The following PCDH7 variants were observed in gnomAD, a reference collection of about 807,000 sequenced individuals.
PCDH7 encodes protocadherin-7.
PCDH7 carries 17 observed loss-of-function variants against 58.9 expected under a neutral mutation model. The ratio of observed to expected loss-of-function variants is 0.29; its 90% CI spans 0.20 to 0.43. The LOEUF (loss-of-function observed/expected upper bound fraction) is 0.43, where lower values mean the gene tolerates loss of function less well. Among genes scored for constraint, PCDH7 ranks in the 20% least tolerant of loss-of-function variants. The probability of loss-of-function intolerance (pLI) is 1.00; values close to 1 mark genes in which losing one functional copy is unlikely to be tolerated. For synonymous variants in PCDH7, 664 were observed against 616.4 expected (o/e 1.08, Z -1.14); for missense variants, 1,274 against 1,441.0 (o/e 0.88, Z 1.88).
intron 2 of PCDH7, among the ~76,000 whole-genome samples, chr4:30,920,970 G>A (rs2109415633): frequency 6.6e-6 from 1 of 152,076 alleles, no homozygotes; most frequent in African/African-American, 2.4e-5. Context: ...GAGAAAGGAA[G>A]GAAAATAAAT....
At chr4:30,765,124 GCTTT>G (rs915534058) in intron 1 of PCDH7, among the ~76,000 whole-genome samples, 1 of 36,028 alleles carries the variant, frequency 2.8e-5, no homozygotes, top group African/African-American at 7.8e-5. Flanking sequence ...GACTTCAGAT[GCTTT>G]TTTTTTTTTT....
chr4:31,036,453 G>T (rs1376258984), intron 3 of PCDH7, among the ~76,000 whole-genome samples: 1 of 152,084 alleles, frequency 6.6e-6, no homozygotes, highest in Non-Finnish European at 1.5e-5. Flanking sequence ...CTCCCACAGT[G>T]CTGGGATTAT....
rs531445282 is a variant in PCDH7, at chr4:31,060,568, A to G, written c.*8-81905A>G. On this transcript the variant is annotated intron_variant, in intron 3 of 3. Coordinates refer to the PCDH7 transcript ENST00000509759. ...TTTGCCATCAACTTAGGTTACTTCT[A>G]TGTATATTTTTAATACTGTCCATAT... 4.0e-3 allele frequency among the ~76,000 whole-genome samples: 601 copies of G among 151,832 alleles called. 6 individuals carry two copies. The highest frequency in any genetic ancestry group is 0.014 in the Middle Eastern group (4 of 294).
At chr4:30,810,297 T>A (rs1726805623) in intron 1 of PCDH7, among the ~76,000 whole-genome samples, 1 of 152,172 alleles carries the variant, frequency 6.6e-6, no homozygotes, top group South Asian at 2.1e-4. Flanking sequence ...GTTTATTACA[T>A]GTCAGTTGAA....
chr4:30,904,598 G>A (rs28489161), intron 1 of PCDH7, among the ~76,000 whole-genome samples: 12,657 of 152,182 alleles, frequency 0.083, 770 homozygotes, highest in East Asian at 0.26. Context: ...GGACCTTGTT[G>A]GGAGTCTATT....
intron 1 of PCDH7, among the ~76,000 whole-genome samples, chr4:30,726,314 C>T (rs1266294297): frequency 3.3e-5 from 5 of 152,048 alleles, no homozygotes; most frequent in East Asian, 1.9e-4. Flanking sequence ...ATTTACACCT[C>T]GGTTCTTATC....
downstream of PCDH7, among the ~76,000 whole-genome samples, chr4:30,735,106 A>G (rs528534509): frequency 6.6e-6 from 1 of 152,222 alleles, no homozygotes; most frequent in Admixed American, 6.5e-5. Flanking sequence ...CACTGGTCGT[A>G]CAGTACACTT....
intron 1 of PCDH7, among the ~76,000 whole-genome samples, chr4:30,902,514 A>C (rs1740353462): frequency 6.6e-6 from 1 of 152,162 alleles, no homozygotes; most frequent in South Asian, 2.1e-4. Context: ...GATGCATATA[A>C]TGAGATCCAG....
exon 4 of PCDH7, chr4:31,142,595 C>G (rs774075565): frequency 7.3e-7 from 1 of 1,367,720 alleles, no homozygotes; most frequent in East Asian, 4.6e-5. Flanking sequence ...GAAGAGCCAG[C>G]CTAAACTGTC....
chr4:31,058,079 A>T (rs1012325605), intron 3 of PCDH7, among the ~76,000 whole-genome samples: 2 of 152,144 alleles, frequency 1.3e-5, no homozygotes, highest in Non-Finnish European at 1.5e-5. Context: ...AAGAGTTTGC[A>T]GCTTTGAAAT....
At chr4:30,759,039 T>C (rs576302219) in intron 1 of PCDH7, among the ~76,000 whole-genome samples, 2 of 151,038 alleles carry the variant, frequency 1.3e-5, no homozygotes, top group South Asian at 4.2e-4. Flanking sequence ...CCTCCCAGGT[T>C]CAAGTGATTC....
intron 3 of PCDH7, among the ~76,000 whole-genome samples, chr4:30,991,809 A>G (rs1353449905): frequency 6.6e-6 from 1 of 152,176 alleles, no homozygotes; most frequent in Non-Finnish European, 1.5e-5. Flanking sequence ...TTTACATAAA[A>G]TGTATATATT....
At chr4:30,986,512 CCAGT>C (rs1425669668) in intron 3 of PCDH7, among the ~76,000 whole-genome samples, 2 of 151,942 alleles carry the variant, frequency 1.3e-5, no homozygotes, top group Non-Finnish European at 2.9e-5. Context: ...AAAAGCCAAA[CCAGT>C]CAGAGACGTG....
At chr4:30,971,878 C>A (rs958570781) in intron 3 of PCDH7, among the ~76,000 whole-genome samples, 7 of 152,194 alleles carry the variant, frequency 4.6e-5, no homozygotes, top group African/African-American at 1.7e-4. Flanking sequence ...GTGAGGATCA[C>A]CTGAGCCCAG....
At chr4:31,066,751 G>A (rs1560617044) in intron 3 of PCDH7, among the ~76,000 whole-genome samples, 2 of 151,960 alleles carry the variant, frequency 1.3e-5, no homozygotes, top group Admixed American at 1.3e-4. Context: ...CATATGGAGA[G>A]TACCATCTGT....
chr4:30,977,596 T>G (rs1750182774), intron 3 of PCDH7, among the ~76,000 whole-genome samples: 1 of 152,184 alleles, frequency 6.6e-6, no homozygotes, highest in African/African-American at 2.4e-5. Flanking sequence ...AATATGGTGG[T>G]ACATTAAAAA....
At chr4:30,826,013 T>C (rs1729054329) in intron 1 of PCDH7, among the ~76,000 whole-genome samples, 1 of 152,106 alleles carries the variant, frequency 6.6e-6, no homozygotes, top group African/African-American at 2.4e-5. Context: ...CCTCCCTTTT[T>C]CTCTGCCATT....
chr4:30,772,286 A>G (rs570404767), intron 1 of PCDH7, among the ~76,000 whole-genome samples: 2 of 152,246 alleles, frequency 1.3e-5, no homozygotes, highest in South Asian at 4.1e-4. Flanking sequence ...TTGGTTTCCA[A>G]TATGAGAAAT....
chr4:31,013,136 G>C (rs1753323256), intron 3 of PCDH7, among the ~76,000 whole-genome samples: 1 of 150,018 alleles, frequency 6.7e-6, no homozygotes, highest in African/African-American at 2.4e-5. Context: ...GCAGTGAGCT[G>C]TGATATGATC....
Sources: allele counts gnomAD v4.1 joint callset (sites outside exome capture counted in the v4.1 genomes callset), GRCh38; gene constraint gnomAD v4.1.1; transcripts MANE v1.5; gene names NCBI Gene and HGNC (gene_info 2026-07-23, HGNC 2026-07-21).